The following HMGCLL1 variants were observed in gnomAD, a reference collection of about 807,000 sequenced individuals.
HMGCLL1 encodes the protein 3-hydroxymethyl-3-methylglutaryl-CoA lyase, cytoplasmic.
A neutral mutation model predicts 39.1 loss-of-function variants in HMGCLL1; 36 were observed. The observed-to-expected ratio is 0.92, with a 90% CI of 0.71 to 1.22. HMGCLL1 has a LOEUF of 1.22. Ranked by LOEUF, HMGCLL1 falls within the 50% of genes most tolerant of loss-of-function variation. The pLI, the probability that HMGCLL1 is intolerant of heterozygous loss-of-function variation, is 0.00. For synonymous variants in HMGCLL1, 149 were observed against 144.0 expected, an observed-to-expected ratio of 1.03 and a Z score of -0.25; for missense variants, 451 against 416.5, an observed-to-expected ratio of 1.08 and a Z score of -0.72.
the HMGCLL1 span, among the ~76,000 whole-genome samples, chr6:55,625,817 T>C: frequency 6.6e-6 from 1 of 152,156 alleles, no homozygotes; most frequent in Non-Finnish European, 1.5e-5. Context: ...GGTCAAAAAC[T>C]GTGAAGATAA....
At chr6:55,479,909 T>C (rs938530420) in intron 7 of HMGCLL1, among the ~76,000 whole-genome samples, 6 of 151,648 alleles carry the variant, frequency 4.0e-5, no homozygotes, top group African/African-American at 1.5e-4. Context: ...ACTAAGAAGC[T>C]CAGACTTCTT....
At chr6:55,463,928 G>C (rs12205981) in intron 7 of HMGCLL1, among the ~76,000 whole-genome samples, 20,153 of 152,132 alleles carry the variant, frequency 0.13, 1,604 homozygotes, top group Non-Finnish European at 0.18. Context: ...GAAAAAATGA[G>C]AATATAAAAC....
intron 7 of HMGCLL1, among the ~76,000 whole-genome samples, chr6:55,462,497 G>A (rs1243727608): frequency 6.6e-6 from 1 of 152,048 alleles, no homozygotes; most frequent in African/African-American, 2.4e-5. Flanking sequence ...AATTTGTCCA[G>A]AAATTTAAAT....
At position 55,479,531 on chromosome 6, in the gene HMGCLL1, T is replaced by G. The variant is rs187396272; in HGVS notation, c.795+15888A>C. 4.0e-4 allele frequency among the ~76,000 whole-genome samples: 61 copies of G among 151,714 alleles called. 4 individuals carry two copies. The highest frequency in any genetic ancestry group is 1.4e-3 in the African/African-American group (59 of 41,086). ...TCACTTGCCACTCTCATCCTACCTT[T>G]TTCATTTATGTAATCATAAGTGATC... On this transcript the variant is annotated intron_variant, in intron 7 of 8. Coordinates refer to ENST00000274901, the MANE Select transcript of HMGCLL1 (RefSeq NM_001042406.2).
intron 7 of HMGCLL1, among the ~76,000 whole-genome samples, chr6:55,446,416 T>A (rs1486466343): frequency 6.6e-6 from 1 of 151,762 alleles, no homozygotes; most frequent in Non-Finnish European, 1.5e-5. Context: ...CAATTAAAGC[T>A]ATTAACTCAA....
chr6:55,529,580 C>A (rs1181097395), intron 3 of HMGCLL1, among the ~76,000 whole-genome samples: 3 of 152,090 alleles, frequency 2.0e-5, no homozygotes, highest in African/African-American at 4.8e-5. Flanking sequence ...ATCCGGAGAT[C>A]TCCGTTTTGA....
chr6:55,587,244 T>A, the HMGCLL1 span, among the ~76,000 whole-genome samples: 1 of 152,146 alleles, frequency 6.6e-6, no homozygotes, highest in Non-Finnish European at 1.5e-5. Context: ...TGGGGTTGTT[T>A]GTTTTTTTCT....
chr6:55,574,543 T>C (rs1434230084), intron 1 of HMGCLL1, among the ~76,000 whole-genome samples: 1 of 151,818 alleles, frequency 6.6e-6, no homozygotes, highest in East Asian at 1.9e-4. Context: ...CACTAACATG[T>C]CAATTCAGGG....
the HMGCLL1 span, among the ~76,000 whole-genome samples, chr6:55,630,307 G>A: frequency 6.6e-6 from 1 of 152,026 alleles, no homozygotes; most frequent in Non-Finnish European, 1.5e-5. Flanking sequence ...GGGGTGGGTG[G>A]CCCCTTTGTT....
the HMGCLL1 span, among the ~76,000 whole-genome samples, chr6:55,602,501 GACTAAAAATTTGCAACTTCTGGTGA>G: frequency 2.0e-5 from 3 of 151,866 alleles, no homozygotes; most frequent in African/African-American, 7.3e-5. Flanking sequence ...ATGTAGGTGG[GACTAAAAATTTGCAACTTCTGGTGA>G]ACTTAATAAT....
rs766448035 is a variant in HMGCLL1 at position 55,487,304 on chromosome 6, T to C, written c.795+8115A>G. The stretch of plus-strand genomic sequence containing the variant: ...CAATTTTGTTGATCTTGTTTGTTTG[T>C]TTTTATATATACTTTAAGTTCTGGG... On this transcript the variant is annotated intron_variant, in intron 7 of 8. Coordinates refer to ENST00000274901, the MANE Select transcript of HMGCLL1 (RefSeq NM_001042406.2). Among the ~76,000 whole-genome samples, 54 of 152,100 alleles carry C rather than the reference T, an allele frequency of 3.6e-4. 1 individual carries two copies. Among genetic ancestry groups the C allele is most frequent in the Non-Finnish European group, 1.2e-4 (8 of 68,024 alleles).
At chr6:55,447,221 AC>A (rs1182606149) in intron 7 of HMGCLL1, among the ~76,000 whole-genome samples, 2 of 151,974 alleles carry the variant, frequency 1.3e-5, no homozygotes, top group Admixed American at 6.6e-5. Context: ...CTACTGTACC[AC>A]CTGAGAGAGA....
At chr6:55,667,435 C>T in the HMGCLL1 span, among the ~76,000 whole-genome samples, 1 of 151,618 alleles carries the variant, frequency 6.6e-6, no homozygotes. Context: ...ATATTATCAC[C>T]CTCATTTCAA....
chr6:55,562,910 T>TA (rs1310065602), intron 1 of HMGCLL1, among the ~76,000 whole-genome samples: 1 of 151,868 alleles, frequency 6.6e-6, no homozygotes, highest in African/African-American at 2.4e-5. Context: ...TACTTCCCCT[T>TA]AAGAGCTCTA....
chr6:55,474,852 C>T (rs1345037665), intron 7 of HMGCLL1, among the ~76,000 whole-genome samples: 1 of 151,570 alleles, frequency 6.6e-6, no homozygotes, highest in Non-Finnish European at 1.5e-5. Flanking sequence ...TCTCTAGTTT[C>T]CTGTCTTTGC....
At chr6:55,580,820 C>G (rs1032996703), upstream of HMGCLL1, among the ~76,000 whole-genome samples, 1 of 152,076 alleles carries the variant, frequency 6.6e-6, no homozygotes, top group Non-Finnish European at 1.5e-5. Flanking sequence ...TTGTTATTTA[C>G]CTAAGCATGA....
At chr6:55,577,194 AG>A in intron 1 of HMGCLL1, 2 of 1,555,624 alleles carry the variant, frequency 1.3e-6, no homozygotes, top group East Asian at 4.9e-5. Flanking sequence ...CAAAAAGCCA[AG>A]TGTCAGATGT....
At chr6:55,676,220 T>C in the HMGCLL1 span, among the ~76,000 whole-genome samples, 2 of 152,152 alleles carry the variant, frequency 1.3e-5, no homozygotes, top group Non-Finnish European at 2.9e-5. Flanking sequence ...AACACTCTTA[T>C]GCTTAATGTA....
At chr6:55,461,856 G>A (rs1342019852) in intron 7 of HMGCLL1, among the ~76,000 whole-genome samples, 1 of 152,050 alleles carries the variant, frequency 6.6e-6, no homozygotes, top group Non-Finnish European at 1.5e-5. Context: ...CTACTCAATA[G>A]CACCTTGCTA....
Sources: gnomAD v4.1 joint callset for allele counts (sites outside exome capture counted in the v4.1 genomes callset) on GRCh38, gnomAD v4.1.1 for gene constraint, MANE v1.5 for transcripts, NCBI Gene and HGNC (gene_info 2026-07-23, HGNC 2026-07-21) for gene names.